Variants in SLC35F1 observed in about 807,000 individuals in gnomAD.
The protein encoded by SLC35F1 is chromosome 6 open reading frame 169.
Under a neutral mutation model 48.7 loss-of-function variants are expected in SLC35F1, and 14 were observed. The ratio of observed to expected loss-of-function variants is 0.29; its 90% CI spans 0.19 to 0.45. SLC35F1 has a LOEUF of 0.45. Among genes scored for constraint, SLC35F1 ranks in the 20% least tolerant of loss-of-function variants. SLC35F1 has a pLI of 1.00. For missense variants in SLC35F1, 404 were observed against 500.0 expected (o/e 0.81, Z 1.83); for synonymous variants, 190 against 202.2 (o/e 0.94, Z 0.51).
At chr6:117,996,511 G>C (rs1776993368) in intron 1 of SLC35F1, among the ~76,000 whole-genome samples, 1 of 152,164 alleles carries the variant, frequency 6.6e-6, no homozygotes, top group Non-Finnish European at 1.5e-5. Flanking sequence ...TCCCTGAGCA[G>C]CCTAACTGGG....
At chr6:118,254,810 T>C (rs1475111771) in intron 3 of SLC35F1, among the ~76,000 whole-genome samples, 2 of 152,218 alleles carry the variant, frequency 1.3e-5, no homozygotes, top group Non-Finnish European at 2.9e-5. Flanking sequence ...TTAATGTTCC[T>C]ATGTTCATGA....
At chr6:118,303,306 G>C (rs186584436) in intron 7 of SLC35F1, among the ~76,000 whole-genome samples, 6 of 152,322 alleles carry the variant, frequency 3.9e-5, no homozygotes, top group African/African-American at 1.4e-4. Context: ...AATTAAAGTT[G>C]AGTCCTTCCC....
intron 1 of SLC35F1, among the ~76,000 whole-genome samples, chr6:117,937,185 C>A (rs887248458): frequency 6.6e-6 from 1 of 152,136 alleles, no homozygotes; most frequent in South Asian, 2.1e-4. Context: ...AATAACTCTT[C>A]GACTCCAAAT....
intron 7 of SLC35F1, among the ~76,000 whole-genome samples, chr6:118,290,722 A>G (rs1258606888): frequency 6.6e-6 from 1 of 152,038 alleles, no homozygotes; most frequent in East Asian, 1.9e-4. Context: ...GGAGAGCCAG[A>G]ACAGGGAGAA....
intron 1 of SLC35F1, among the ~76,000 whole-genome samples, chr6:117,944,586 TACACATACACAC>T (rs1171153332): frequency 2.7e-5 from 4 of 146,388 alleles, no homozygotes; most frequent in Admixed American, 6.9e-5. Context: ...AACACACACA[TACACATACACAC>T]ACACACACAC....
chr6:118,236,380 TATTA>T (rs1310244521), intron 3 of SLC35F1, among the ~76,000 whole-genome samples: 2 of 152,214 alleles, frequency 1.3e-5, no homozygotes, highest in African/African-American at 4.8e-5. Context: ...ATGGTAATAT[TATTA>T]ATTCCATACC....
At chr6:118,265,883 A>G (rs984774505) in intron 3 of SLC35F1, among the ~76,000 whole-genome samples, 13 of 152,334 alleles carry the variant, frequency 8.5e-5, no homozygotes, top group African/African-American at 3.1e-4. Flanking sequence ...TTGCAGTTCT[A>G]TGTGACATCA....
chr6:117,964,447 T>C (rs1020519015), intron 1 of SLC35F1, among the ~76,000 whole-genome samples: 4 of 152,236 alleles, frequency 2.6e-5, no homozygotes, highest in African/African-American at 9.6e-5. Context: ...CCTAAACTAC[T>C]ATTTGTACAC....
intron 1 of SLC35F1, among the ~76,000 whole-genome samples, chr6:117,966,204 G>A (rs998167225): frequency 2.1e-5 from 3 of 144,760 alleles, no homozygotes; most frequent in Non-Finnish European, 3.0e-5. Flanking sequence ...TGCTGTGGAA[G>A]CTTTGTTCTT....
intron 1 of SLC35F1, among the ~76,000 whole-genome samples, chr6:117,921,051 T>G (rs1562237533): frequency 1.1e-5 from 1 of 91,900 alleles, no homozygotes; most frequent in Non-Finnish European, 2.2e-5. Context: ...CTATTTCTCT[T>G]TGACACACAC....
chr6:118,235,196 C>T (rs1198799521), intron 2 of SLC35F1, among the ~76,000 whole-genome samples: 1 of 152,134 alleles, frequency 6.6e-6, no homozygotes, highest in Non-Finnish European at 1.5e-5. Context: ...GTACACCTTT[C>T]CTTTCATTTT....
intron 3 of SLC35F1, among the ~76,000 whole-genome samples, chr6:118,247,620 C>T (rs1775524996): frequency 6.6e-6 from 1 of 152,126 alleles, no homozygotes; most frequent in Non-Finnish European, 1.5e-5. Flanking sequence ...AATAATAAAT[C>T]ACATTTTTTC....
At chr6:118,201,479 C>A (rs1774873184) in intron 2 of SLC35F1, among the ~76,000 whole-genome samples, 1 of 152,172 alleles carries the variant, frequency 6.6e-6, no homozygotes. Context: ...GTAGAAACTA[C>A]AGTTGTTTAC....
At position 118,171,189 on chromosome 6, in the gene SLC35F1, A is replaced by T. The variant is rs537528223; in HGVS notation, c.349+16569A>T. 5.7e-4 allele frequency among the ~76,000 whole-genome samples: 87 copies of T among 152,084 alleles called. 1 individual carries two copies. In the South Asian group the frequency reaches 0.017, roughly 31 times the overall value. ...GTAACTGGAACTACAGGCTCACACC[A>T]CTATGCCCTGATAATTTTTATATTT... On this transcript the variant is annotated intron_variant, in intron 2 of 7. Coordinates refer to ENST00000360388, the MANE Select transcript of SLC35F1 (RefSeq NM_001029858.4).
In SLC35F1 at chr6:118,164,482, T is replaced by C. The variant is rs116505625; in HGVS notation, c.349+9862T>C. On this transcript the variant is annotated intron_variant, in intron 2 of 7. Transcript: ENST00000360388. ...CAATTCAGTCAAAATTCAAGAGTCA[T>C]TGAGTCACCCTAATGAGTATCTATA... 1.5e-3 allele frequency among the ~76,000 whole-genome samples: 232 copies of C among 152,332 alleles called. 1 individual carries two copies. Among genetic ancestry groups the C allele is most frequent in the African/African-American group, 5.2e-3 (216 of 41,588 alleles).
intron 1 of SLC35F1, among the ~76,000 whole-genome samples, chr6:118,037,253 A>G (rs779064892): frequency 6.6e-6 from 1 of 152,148 alleles, no homozygotes; most frequent in Non-Finnish European, 1.5e-5. Context: ...TTTTAAGACA[A>G]TATATAATTG....
chr6:118,271,028 T>C (rs283088), intron 4 of SLC35F1, among the ~76,000 whole-genome samples: 74,345 of 151,278 alleles, frequency 0.49, 18,563 homozygotes, highest in Non-Finnish European at 0.55. Flanking sequence ...CCAACAATAA[T>C]TTTTTATTAC....
At chr6:118,161,179 A>G (rs1287484268) in intron 2 of SLC35F1, among the ~76,000 whole-genome samples, 2 of 152,216 alleles carry the variant, frequency 1.3e-5, no homozygotes, top group African/African-American at 2.4e-5. Flanking sequence ...ATTTCCCCGT[A>G]TATCAGACCC....
At chr6:117,970,590 A>G (rs1185472151) in intron 1 of SLC35F1, among the ~76,000 whole-genome samples, 1 of 152,188 alleles carries the variant, frequency 6.6e-6, no homozygotes, top group Non-Finnish European at 1.5e-5. Context: ...CTATGAAGAA[A>G]TATCCGAGAC....
Sources: allele counts gnomAD v4.1 joint callset (sites outside exome capture counted in the v4.1 genomes callset), GRCh38; gene constraint gnomAD v4.1.1; transcripts MANE v1.5; gene names NCBI Gene and HGNC (gene_info 2026-07-23, HGNC 2026-07-21).